HCK: variants seen among roughly 807,000 people sequenced by gnomAD.
The protein encoded by HCK is HCK proto-oncogene, Src family tyrosine kinase, also known as tyrosine-protein kinase HCK.
A neutral mutation model predicts 70.4 loss-of-function variants in HCK; 40 were observed. The ratio of observed to expected loss-of-function variants is 0.57; its 90% CI spans 0.44 to 0.74. The LOEUF (loss-of-function observed/expected upper bound fraction) is 0.74, where lower values mean the gene tolerates loss of function less well. Among genes scored for constraint, HCK ranks in the 30% least tolerant of loss-of-function variants. The pLI is 0.00. For missense variants in HCK, 568 were observed against 697.2 expected, an observed-to-expected ratio of 0.81 and a Z score of 2.09; for synonymous variants, 245 against 263.2, an observed-to-expected ratio of 0.93 and a Z score of 0.67.
chr20:32,070,111 A>G lies in HCK; in HGVS notation c.63-1551A>G, dbSNP rs73247040. Reference sequence around the variant, plus strand: ...TACAGCAGCAAAGTCTGCAAGCTCTACCTCCAAAATGTCCCCCAAACCTGT... The same window carrying G: ...TACAGCAGCAAAGTCTGCAAGCTCTGCCTCCAAAATGTCCCCCAAACCTGT... On this transcript the variant is annotated intron_variant, in intron 1 of 12. Coordinates refer to ENST00000375852, the MANE Select transcript of HCK (RefSeq NM_002110.5). 9.6e-3 allele frequency among the ~76,000 whole-genome samples: 1,462 copies of G among 152,090 alleles called. 18 individuals carry two copies. Among genetic ancestry groups the G allele is most frequent in the African/African-American group, 0.033 (1,384 of 41,458 alleles).
chr20:32,094,417 C>T (rs1231913871), intron 11 of HCK, among the ~76,000 whole-genome samples: 2 of 152,056 alleles, frequency 1.3e-5, no homozygotes, highest in Non-Finnish European at 2.9e-5. Context: ...CAGTGGCTCA[C>T]GCCTGTAATC....
intron 2 of HCK, chr20:32,072,546 G>A (rs1227810182): frequency 1.5e-5 from 2 of 136,450 alleles, no homozygotes; most frequent in African/African-American, 2.9e-5. Flanking sequence ...GGGCAATACA[G>A]GGAGACCCTG....
intron 6 of HCK, among the ~76,000 whole-genome samples, chr20:32,081,524 G>A (rs1029196684): frequency 3.9e-5 from 6 of 152,156 alleles, no homozygotes; most frequent in African/African-American, 9.7e-5. Context: ...GTGACCTCAC[G>A]GTACCCTGAA....
At chr20:32,055,500 A>G (rs571586080) in intron 1 of HCK, among the ~76,000 whole-genome samples, 10 of 152,254 alleles carry the variant, frequency 6.6e-5, no homozygotes, top group Middle Eastern at 3.4e-3. Context: ...TATCCTATTT[A>G]TTTGCTTAGT....
rs765034186 is a variant in HCK at position 32,101,329 on chromosome 20, C to T, written c.1391C>T (p.Pro464Leu). The stretch of plus-strand genomic sequence containing the variant: ...GGCTCCTTTTCAGGGATGTCAAACC[C>T]TGAAGTGATCCGAGCTCTGGAGCGT... The change falls in exon 13 of 13, where the codon CCT (proline) becomes CTT (leucine). Residue 464 changes from proline (P) to leucine (L), a missense_variant. This residue lies in a region of HCK where 160 missense variants were observed against 237.5 expected (regional missense o/e 0.67). Coordinates refer to ENST00000375852, the MANE Select transcript of HCK (RefSeq NM_002110.5). The T allele has an allele frequency of 4.3e-6, 7 of 1,614,078 alleles. No homozygotes were observed. The highest frequency in any genetic ancestry group is 5.1e-6 in the Non-Finnish European group (6 of 1,179,992).
intron 6 of HCK, among the ~76,000 whole-genome samples, chr20:32,081,207 C>A (rs942116289): frequency 1.3e-5 from 2 of 152,224 alleles, no homozygotes; most frequent in African/African-American, 4.8e-5. Context: ...CTCAAGCCAG[C>A]CTTCTCTGGG....
At chr20:32,074,045 G>A (rs2045584812) in intron 4 of HCK, among the ~76,000 whole-genome samples, 1 of 152,164 alleles carries the variant, frequency 6.6e-6, no homozygotes. Flanking sequence ...AACAGGTGAC[G>A]CTTTCTCAGG....
chr20:32,064,374 C>A (rs2045425901), intron 1 of HCK, among the ~76,000 whole-genome samples: 1 of 152,188 alleles, frequency 6.6e-6, no homozygotes, highest in South Asian at 2.1e-4. Context: ...GGGTTGGAGT[C>A]AACTCTATCC....
chr20:32,062,208 G>C (rs2045390451), intron 1 of HCK, among the ~76,000 whole-genome samples: 2 of 152,124 alleles, frequency 1.3e-5, no homozygotes, highest in African/African-American at 4.8e-5. Flanking sequence ...CCAAAGTGCT[G>C]GGATTACAGG....
rs1361216867 is a variant in HCK, at chr20:32,101,700, A to G, written c.*181A>G. Reference sequence around the variant, plus strand: ...GGAAAATCTCTTTTTGACTCTTGCAATCCACAATCTGACATTCTCAGGAAG... The same window carrying G: ...GGAAAATCTCTTTTTGACTCTTGCAGTCCACAATCTGACATTCTCAGGAAG... On this transcript the variant is annotated 3_prime_UTR_variant, in exon 13 of 13. Transcript: ENST00000375852. 16 of 511,996 alleles carry G rather than the reference A, an allele frequency of 3.1e-5. No individual in the cohort carries two copies. The highest frequency in any genetic ancestry group is 5.1e-4 in the Middle Eastern group (1 of 1,976). The allele number at this position is 511,996 out of a possible 1,614,324, so 31.7% of individuals were successfully genotyped here. A position where few individuals can be genotyped will look rare whatever the true frequency, so the allele number is the denominator to read the frequency against.
chr20:32,094,787 GAGAA>G (rs71185378), intron 11 of HCK, among the ~76,000 whole-genome samples: 7,383 of 105,164 alleles, frequency 0.07, 462 homozygotes, highest in East Asian at 0.1. Context: ...GAGAGAGAAA[GAGAA>G]AGAAAGAAAG....
intron 11 of HCK, among the ~76,000 whole-genome samples, chr20:32,098,126 C>A (rs1234135680): frequency 1.3e-5 from 2 of 151,994 alleles, no homozygotes; most frequent in African/African-American, 4.8e-5. Flanking sequence ...CGGTTCACTG[C>A]AACCTCCATC....
chr20:32,064,519 A>G (rs1477786335), intron 1 of HCK, among the ~76,000 whole-genome samples: 2 of 152,336 alleles, frequency 1.3e-5, no homozygotes, highest in East Asian at 1.9e-4. Flanking sequence ...CTAATCCAAC[A>G]TCTCATTTCA....
chr20:32,055,891 T>C (rs577848200), intron 1 of HCK, among the ~76,000 whole-genome samples: 30 of 152,336 alleles, frequency 2.0e-4, no homozygotes, highest in African/African-American at 7.0e-4. Context: ...ACTAATTTAT[T>C]CAGGATATTT....
intron 11 of HCK, among the ~76,000 whole-genome samples, chr20:32,098,795 C>CT (rs1465270206): frequency 6.6e-6 from 1 of 152,200 alleles, no homozygotes; most frequent in African/African-American, 2.4e-5. Context: ...CACCATACCC[C>CT]AGGCCCCTAA....
At chr20:32,064,005 T>A (rs1370252831) in intron 1 of HCK, among the ~76,000 whole-genome samples, 1 of 128,716 alleles carries the variant, frequency 7.8e-6, no homozygotes, top group Admixed American at 8.1e-5. Flanking sequence ...TTTTTTTTTT[T>A]TTTTTTTTTT....
chr20:32,086,858 TG>T, intron 9 of HCK, 51 bp downstream of exon 9: 1 of 1,478,808 alleles, frequency 6.8e-7, no homozygotes, highest in South Asian at 1.4e-5. Flanking sequence ...ACTGGTCAAT[TG>T]CGGGCCCAAG....
At chr20:32,066,331 T>TGA (rs1555874821) in intron 1 of HCK, among the ~76,000 whole-genome samples, 16,984 of 81,536 alleles carry the variant, frequency 0.21, 4,524 homozygotes, top group African/African-American at 0.53. Flanking sequence ...TTTTTTTTTT[T>TGA]GACAGAGTCT....
chr20:32,062,067 G>T lies in HCK; in HGVS notation c.62+9581G>T, dbSNP rs764944547. Among the ~76,000 whole-genome samples the T allele has an allele frequency of 6.5e-4, 97 of 150,242 alleles. 1 individual carries two copies. The highest frequency in any genetic ancestry group is 2.2e-4 in the Non-Finnish European group (15 of 67,866). ...CGATTCTCCTGCCTCAGCCTCCTAA[G>T]TAGCTGGGATTACAGGCATGCGCCA... On this transcript the variant is annotated intron_variant, in intron 1 of 12. Coordinates refer to ENST00000375852, the MANE Select transcript of HCK (RefSeq NM_002110.5).
Sources: gnomAD v4.1 joint callset for allele counts (sites outside exome capture counted in the v4.1 genomes callset) on GRCh38, gnomAD v4.1.1 for gene constraint, gnomAD v4.1.1 regional missense constraint, MANE v1.5 for transcripts, NCBI Gene and HGNC (gene_info 2026-07-23, HGNC 2026-07-21) for gene names.